Variants in KCNH8 observed in about 807,000 individuals in gnomAD.
KCNH8 encodes the protein voltage-gated delayed rectifier potassium channel KCNH8.
Under a neutral mutation model 103.6 loss-of-function variants are expected in KCNH8, and 70 were observed. The ratio of observed to expected loss-of-function variants is 0.68; its 90% CI spans 0.56 to 0.82. The LOEUF (loss-of-function observed/expected upper bound fraction) is 0.82, where lower values mean the gene tolerates loss of function less well. Among genes scored for constraint, KCNH8 ranks in the 40% least tolerant of loss-of-function variants. The pLI is 0.00. For missense variants in KCNH8, 1,217 were observed against 1,329.9 expected, an observed-to-expected ratio of 0.92 and a Z score of 1.32; for synonymous variants, 498 against 489.4, an observed-to-expected ratio of 1.02 and a Z score of -0.23.
chr3:19,479,243 C>T (rs537002676), intron 11 of KCNH8, among the ~76,000 whole-genome samples: 131 of 152,234 alleles, frequency 8.6e-4, no homozygotes, highest in African/African-American at 3.0e-3. Flanking sequence ...ACTCTAAATT[C>T]AGAGCTCAAT....
intron 11 of KCNH8, among the ~76,000 whole-genome samples, chr3:19,465,629 T>G (rs1164400708): frequency 6.6e-6 from 1 of 151,820 alleles, no homozygotes; most frequent in African/African-American, 2.4e-5. Flanking sequence ...TAGTGATTTC[T>G]TTGATGGACC....
intron 5 of KCNH8, among the ~76,000 whole-genome samples, chr3:19,375,226 A>G (rs1462393639): frequency 1.3e-5 from 2 of 152,058 alleles, no homozygotes; most frequent in South Asian, 2.1e-4. Flanking sequence ...CATTCTCCCC[A>G]TCACTTTCAG....
chr3:19,325,897 T>C (rs1360356964), intron 3 of KCNH8, among the ~76,000 whole-genome samples: 1 of 152,166 alleles, frequency 6.6e-6, no homozygotes, highest in African/African-American at 2.4e-5. Flanking sequence ...TGTATGTTCA[T>C]TGAAGCATTA....
At chr3:19,175,546 C>G (rs2063391549) in intron 1 of KCNH8, among the ~76,000 whole-genome samples, 1 of 152,094 alleles carries the variant, frequency 6.6e-6, no homozygotes, top group Admixed American at 6.6e-5. Flanking sequence ...CTTTTTTGTA[C>G]AATTTCTTTT....
chr3:19,493,368 G>C (rs1156713721), intron 11 of KCNH8, among the ~76,000 whole-genome samples: 4 of 152,160 alleles, frequency 2.6e-5, no homozygotes, highest in Admixed American at 6.5e-5. Flanking sequence ...CTGGTGGGAA[G>C]TGATTGGATT....
At chr3:19,373,417 C>T (rs1237163952) in intron 5 of KCNH8, among the ~76,000 whole-genome samples, 1 of 152,144 alleles carries the variant, frequency 6.6e-6, no homozygotes, top group Non-Finnish European at 1.5e-5. Context: ...TTGTAGTATT[C>T]TCTGGTGGTA....
intron 7 of KCNH8, among the ~76,000 whole-genome samples, chr3:19,432,809 C>G (rs950793103): frequency 1.3e-5 from 2 of 152,126 alleles, no homozygotes; most frequent in African/African-American, 4.8e-5. Flanking sequence ...GTTCTGCCAA[C>G]TTAACCATGA....
chr3:19,419,316 C>T (rs2066914901), intron 7 of KCNH8, among the ~76,000 whole-genome samples: 1 of 150,678 alleles, frequency 6.6e-6, no homozygotes, highest in Non-Finnish European at 1.5e-5. Flanking sequence ...TCTCCTGCCT[C>T]AGCCTCCCGA....
intron 3 of KCNH8, among the ~76,000 whole-genome samples, chr3:19,294,203 T>C (rs531868240): frequency 2.6e-5 from 4 of 152,256 alleles, no homozygotes; most frequent in African/African-American, 9.6e-5. Context: ...CTCAATTTGG[T>C]CAAAATTTTG....
intron 11 of KCNH8, among the ~76,000 whole-genome samples, chr3:19,464,866 A>G (rs1469193069): frequency 6.6e-6 from 1 of 152,164 alleles, no homozygotes; most frequent in East Asian, 1.9e-4. Context: ...TGACATCATC[A>G]TCTACTCTAT....
intron 1 of KCNH8, among the ~76,000 whole-genome samples, chr3:19,201,691 G>T (rs2063664900): frequency 6.6e-6 from 1 of 151,806 alleles, no homozygotes; most frequent in Admixed American, 6.6e-5. Flanking sequence ...ATAATCTCCT[G>T]GGTACCTTGA....
intron 1 of KCNH8, among the ~76,000 whole-genome samples, chr3:19,176,498 T>C (rs992388294): frequency 6.6e-6 from 1 of 152,174 alleles, no homozygotes; most frequent in Non-Finnish European, 1.5e-5. Flanking sequence ...AATTTTAATA[T>C]GGAAGACACA....
intron 3 of KCNH8, among the ~76,000 whole-genome samples, chr3:19,331,432 C>G (rs1327500652): frequency 1.3e-5 from 2 of 151,934 alleles, no homozygotes; most frequent in Non-Finnish European, 2.9e-5. Context: ...GCTGGGCCTA[C>G]AGGTGTGTGT....
At chr3:19,491,323 C>A (rs1433676640) in intron 11 of KCNH8, among the ~76,000 whole-genome samples, 3 of 152,104 alleles carry the variant, frequency 2.0e-5, no homozygotes, top group Admixed American at 6.5e-5. Flanking sequence ...TCAACCCAGG[C>A]CCCCTTCCCC....
chr3:19,367,351 T>G (rs1431348439), intron 5 of KCNH8, among the ~76,000 whole-genome samples: 1 of 149,288 alleles, frequency 6.7e-6, no homozygotes, highest in African/African-American at 2.4e-5. Flanking sequence ...CTCCATTCTT[T>G]AACCCCGTAT....
At chr3:19,192,041 C>T (rs1279466038) in intron 1 of KCNH8, among the ~76,000 whole-genome samples, 1 of 151,500 alleles carries the variant, frequency 6.6e-6, no homozygotes, top group Non-Finnish European at 1.5e-5. Context: ...CCACTGGTCT[C>T]AGGTTGTACA....
chr3:19,164,270 C>T (rs1426559831), intron 1 of KCNH8, among the ~76,000 whole-genome samples: 2 of 152,140 alleles, frequency 1.3e-5, no homozygotes, highest in African/African-American at 2.4e-5. Context: ...AAAGCTAGAA[C>T]AGGAGAAGGC....
At position 19,342,694 on chromosome 3, in the gene KCNH8, A is replaced by G. The variant is rs2065677557; in HGVS notation, c.550A>G (p.Asn184Asp). 6.2e-7 allele frequency: 1 copy of G among 1,608,762 alleles called. No individual in the cohort carries two copies. Among genetic ancestry groups the G allele is most frequent in the Non-Finnish European group, 8.5e-7 (1 of 1,176,434 alleles). ...ISGHLQRREK[N>D]KLKINNNVFV... ...TGGGCACCTGCAAAGAAGAGAAAAGAACAAATTGAAAATAAATAACGTAGG... is the reference window on the plus strand; with the variant it reads ...TGGGCACCTGCAAAGAAGAGAAAAGGACAAATTGAAAATAAATAACGTAGG... Residue 184 changes from asparagine to aspartate, a missense_variant, in exon 4 of 16, where the codon AAC becomes GAC. By Grantham distance (23) the Asn-to-Asp change is conservative. Coordinates refer to ENST00000328405, the MANE Select transcript of KCNH8 (RefSeq NM_144633.3).
chr3:19,405,973 G>T (rs1265255711), intron 7 of KCNH8, among the ~76,000 whole-genome samples: 3 of 151,872 alleles, frequency 2.0e-5, no homozygotes, highest in African/African-American at 7.2e-5. Context: ...TATTTCATAG[G>T]ATCCTGGTAA....
Sources: gnomAD v4.1 joint callset for allele counts (sites outside exome capture counted in the v4.1 genomes callset) on GRCh38, gnomAD v4.1.1 for gene constraint, MANE v1.5 for transcripts, NCBI Gene and HGNC (gene_info 2026-07-23, HGNC 2026-07-21) for gene names.